Variants in CCDC178 observed in about 807,000 individuals in gnomAD.
The protein encoded by CCDC178 is coiled-coil domain containing 178, also known as coiled-coil domain-containing protein 178.
A neutral mutation model predicts 117.4 loss-of-function variants in CCDC178; 126 were observed. The observed-to-expected ratio is 1.07, with a 90% CI of 0.93 to 1.24. The LOEUF is 1.24. CCDC178 is among the 50% of genes most tolerant of loss of function. CCDC178 has a pLI of 0.00. For missense variants in CCDC178, 1,030 were observed against 986.9 expected, an observed-to-expected ratio of 1.04 and a Z score of -0.59; for synonymous variants, 283 against 313.4, an observed-to-expected ratio of 0.90 and a Z score of 1.02.
intron 20 of CCDC178, among the ~76,000 whole-genome samples, chr18:33,185,297 G>A (rs188944346): frequency 1.6e-4 from 25 of 152,138 alleles, no homozygotes; most frequent in African/African-American, 6.0e-4. Context: ...ATGCAGTGTG[G>A]CAGGGAAAGT....
chr18:32,980,887 T>C lies in CCDC178; in HGVS notation c.2389-6206A>G, dbSNP rs1263613354. Among the ~76,000 whole-genome samples, 4 of 152,336 alleles carry C rather than the reference T, an allele frequency of 2.6e-5. No homozygotes were observed. The East Asian group carries it at 7.7e-4, about 29-fold the overall frequency. ...AAACTTTGGAGAACAAACTACAATT[T>C]CGTATTGAAAATGAAGTTGTACTTT... is the stretch of plus-strand genomic sequence containing the variant. On this transcript the variant is annotated intron_variant, in intron 21 of 22. Coordinates refer to ENST00000383096, the MANE Select transcript of CCDC178 (RefSeq NM_001105528.4).
intron 22 of CCDC178, among the ~76,000 whole-genome samples, chr18:32,960,809 A>G (rs1222345609): frequency 1.3e-5 from 2 of 152,136 alleles, no homozygotes; most frequent in Non-Finnish European, 2.9e-5. Context: ...ATTATGTTCA[A>G]GATATTTCCT....
chr18:33,047,638 T>A (rs752443627), intron 21 of CCDC178, among the ~76,000 whole-genome samples: 14 of 152,156 alleles, frequency 9.2e-5, no homozygotes, highest in Non-Finnish European at 1.8e-4. Context: ...TGCCCTGATC[T>A]TCATGTCCCT....
At chr18:33,420,479 G>A (rs541875647) in intron 2 of CCDC178, among the ~76,000 whole-genome samples, 1 of 152,168 alleles carries the variant, frequency 6.6e-6, no homozygotes, top group East Asian at 1.9e-4. Flanking sequence ...TCAGCTTCCT[G>A]AGTAACTCGG....
chr18:33,327,279 C>T (rs896343929), intron 10 of CCDC178, among the ~76,000 whole-genome samples: 5 of 152,184 alleles, frequency 3.3e-5, no homozygotes, highest in East Asian at 1.9e-4. Context: ...GTATCAGTAC[C>T]TCATTTCTTT....
At chr18:33,421,641 C>G (rs760909263) in intron 2 of CCDC178, among the ~76,000 whole-genome samples, 3 of 152,068 alleles carry the variant, frequency 2.0e-5, no homozygotes, top group African/African-American at 7.2e-5. Flanking sequence ...ACAGGACAAG[C>G]GCTGTATCAT....
intron 18 of CCDC178, among the ~76,000 whole-genome samples, chr18:33,217,539 T>C (rs917890507): frequency 6.6e-6 from 1 of 151,952 alleles, no homozygotes; most frequent in East Asian, 1.9e-4. Context: ...GATTTTTTTT[T>C]AAATCAAAAT....
At chr18:33,281,221 G>T (rs1001364623) in intron 12 of CCDC178, among the ~76,000 whole-genome samples, 3 of 151,936 alleles carry the variant, frequency 2.0e-5, no homozygotes, top group African/African-American at 7.3e-5. Context: ...TTTTAAATAT[G>T]TGCTATTTAT....
rs138334546 is a variant in CCDC178 at position 33,374,084 on chromosome 18, T to C, written c.209-3895A>G. On this transcript the variant is annotated intron_variant, in intron 5 of 22. Coordinates refer to ENST00000383096, the MANE Select transcript of CCDC178 (RefSeq NM_001105528.4). Reference sequence around the variant, plus strand: ...CAGTTTCCCAACTGCAATAAAGAGATCTGGGAGAAAAACAGAGCACAGTGA... The same window carrying C: ...CAGTTTCCCAACTGCAATAAAGAGACCTGGGAGAAAAACAGAGCACAGTGA... Among the ~76,000 whole-genome samples, 12 of 152,154 alleles carry C rather than the reference T, an allele frequency of 7.9e-5. 2 individuals are homozygous for C. The South Asian group carries it at 1.0e-3, about 13-fold the overall frequency.
chr18:33,055,175 T>C (rs2056809022), intron 21 of CCDC178, among the ~76,000 whole-genome samples: 1 of 152,198 alleles, frequency 6.6e-6, no homozygotes, highest in African/African-American at 2.4e-5. Context: ...ATTAGACCTT[T>C]GTCAGATGAA....
chr18:33,287,936 C>T (rs557202962), intron 12 of CCDC178, among the ~76,000 whole-genome samples: 62 of 152,188 alleles, frequency 4.1e-4, no homozygotes, highest in Middle Eastern at 3.4e-3. Context: ...TTTATTCATG[C>T]TGACATTTTT....
intron 21 of CCDC178, among the ~76,000 whole-genome samples, chr18:33,064,809 A>G (rs1005943543): frequency 6.6e-6 from 1 of 152,232 alleles, no homozygotes; most frequent in East Asian, 1.9e-4. Flanking sequence ...ATATGGAGTT[A>G]TCTCAAGTGT....
chr18:33,415,911 G>C (rs2063934041), intron 2 of CCDC178, among the ~76,000 whole-genome samples: 1 of 152,196 alleles, frequency 6.6e-6, no homozygotes, highest in South Asian at 2.1e-4. Context: ...CTTGTTACCA[G>C]AGAAACAAGG....
At chr18:33,437,254 A>T (rs1022886487) in intron 2 of CCDC178, among the ~76,000 whole-genome samples, 1 of 152,340 alleles carries the variant, frequency 6.6e-6, no homozygotes, top group Admixed American at 6.5e-5. Flanking sequence ...TCTCATTTAC[A>T]CAAAGAAAAT....
intron 21 of CCDC178, among the ~76,000 whole-genome samples, chr18:33,081,253 T>C (rs2057292771): frequency 6.6e-6 from 1 of 152,212 alleles, no homozygotes; most frequent in Non-Finnish European, 1.5e-5. Context: ...ATAGTAAAGG[T>C]TATCATGAAG....
At chr18:33,270,046 A>C (rs1218440878) in intron 12 of CCDC178, among the ~76,000 whole-genome samples, 3 of 151,800 alleles carry the variant, frequency 2.0e-5, no homozygotes, top group South Asian at 4.1e-4. Flanking sequence ...ATTATTTTAA[A>C]AACTCAAATA....
intron 15 of CCDC178, among the ~76,000 whole-genome samples, chr18:33,234,228 T>C (rs1467215392): frequency 6.6e-6 from 1 of 152,108 alleles, no homozygotes; most frequent in Non-Finnish European, 1.5e-5. Flanking sequence ...GGGACTTTAA[T>C]CCTGCTGTAC....
chr18:32,983,484 A>G, intron 21 of CCDC178: 1 of 554,418 alleles, frequency 1.8e-6, no homozygotes, highest in Non-Finnish European at 3.1e-6. Context: ...TTTGACAAAG[A>G]AGAGAAAAAA....
At chr18:33,079,630 A>T (rs540694461) in intron 21 of CCDC178, among the ~76,000 whole-genome samples, 1 of 152,354 alleles carries the variant, frequency 6.6e-6, no homozygotes, top group Non-Finnish European at 1.5e-5. Context: ...ATCAACAGAC[A>T]GTTTTCAAAA....
Sources: gnomAD v4.1 joint callset for allele counts (sites outside exome capture counted in the v4.1 genomes callset) on GRCh38, gnomAD v4.1.1 for gene constraint, MANE v1.5 for transcripts, NCBI Gene and HGNC (gene_info 2026-07-23, HGNC 2026-07-21) for gene names.